CNTN4: variants seen among roughly 807,000 people sequenced by gnomAD.
The protein encoded by CNTN4 is contactin-4.
A neutral mutation model predicts 122.5 loss-of-function variants in CNTN4; 77 were observed. The ratio of observed to expected loss-of-function variants is 0.63; its 90% CI spans 0.52 to 0.76. The LOEUF (loss-of-function observed/expected upper bound fraction) is 0.76. CNTN4 is among the 30% of genes least tolerant of loss of function. The pLI is 0.00. For synonymous variants in CNTN4, 512 were observed against 447.0 expected (o/e 1.15, Z -1.83); for missense variants, 1,256 against 1,259.1 (o/e 1.00, Z 0.04).
chr3:2,510,629 CA>C (rs2076859557), intron 3 of CNTN4, among the ~76,000 whole-genome samples: 1 of 152,110 alleles, frequency 6.6e-6, no homozygotes, highest in Non-Finnish European at 1.5e-5. Context: ...TAACTAAGGT[CA>C]AATTTACATA....
intron 23 of CNTN4, among the ~76,000 whole-genome samples, chr3:3,051,013 A>C (rs1701213591): frequency 6.6e-6 from 1 of 152,166 alleles, no homozygotes; most frequent in South Asian, 2.1e-4. Flanking sequence ...ATGTGGCCCA[A>C]CACAAATTCA....
chr3:2,856,660 C>T (rs900674849), intron 7 of CNTN4, among the ~76,000 whole-genome samples: 3 of 152,244 alleles, frequency 2.0e-5, no homozygotes, highest in Admixed American at 1.3e-4. Context: ...CAAGCGACCC[C>T]TGCAGGAATA....
chr3:2,626,627 T>C (rs2082201828), intron 4 of CNTN4, among the ~76,000 whole-genome samples: 1 of 152,192 alleles, frequency 6.6e-6, no homozygotes, highest in Non-Finnish European at 1.5e-5. Flanking sequence ...AAGAATTGGA[T>C]TGGCTTGGAA....
At chr3:2,480,544 T>A (rs763305751) in intron 3 of CNTN4, among the ~76,000 whole-genome samples, 2 of 152,210 alleles carry the variant, frequency 1.3e-5, no homozygotes, top group African/African-American at 2.4e-5. Flanking sequence ...TGATATACTT[T>A]GATATAAATT....
intron 3 of CNTN4, among the ~76,000 whole-genome samples, chr3:2,462,580 ATT>A (rs1216762093): frequency 1.3e-5 from 2 of 152,300 alleles, no homozygotes; most frequent in Admixed American, 6.5e-5. Context: ...TATTTTGCAG[ATT>A]TTGTATGCCT....
chr3:2,502,997 A>G lies in CNTN4; in HGVS notation c.-88-68419A>G, dbSNP rs146828028. Among the ~76,000 whole-genome samples, 12 of 152,290 alleles carry G rather than the reference A, an allele frequency of 7.9e-5. No homozygotes were observed. The East Asian group carries it at 2.3e-3, about 29-fold the overall frequency. On this transcript the variant is annotated intron_variant, in intron 3 of 24. Coordinates refer to ENST00000418658, the MANE Select transcript of CNTN4 (RefSeq NM_175607.3). The stretch of plus-strand genomic sequence containing the variant: ...CAATAAAAATTCATTTATTACTGAA[A>G]CATTTTTGGAGATATATCATTAAGC...
chr3:2,622,249 C>A (rs1216516896), intron 4 of CNTN4, among the ~76,000 whole-genome samples: 1 of 152,102 alleles, frequency 6.6e-6, no homozygotes. Flanking sequence ...AGATGAAAGT[C>A]CAGCTGAAAA....
intron 4 of CNTN4, among the ~76,000 whole-genome samples, chr3:2,720,975 T>G (rs932630536): frequency 3.9e-5 from 6 of 152,030 alleles, no homozygotes; most frequent in African/African-American, 1.4e-4. Flanking sequence ...TCTTTTTTTG[T>G]TTGTTTGTTT....
intron 13 of CNTN4, among the ~76,000 whole-genome samples, chr3:2,982,583 A>C (rs1402505146): frequency 6.6e-6 from 1 of 152,138 alleles, no homozygotes; most frequent in Non-Finnish European, 1.5e-5. Context: ...ACAATTCTAG[A>C]TTCCCATCTT....
chr3:2,889,980 T>A (rs751513683), intron 10 of CNTN4, among the ~76,000 whole-genome samples: 1 of 152,214 alleles, frequency 6.6e-6, no homozygotes, highest in Non-Finnish European at 1.5e-5. Flanking sequence ...TAACAATGTT[T>A]CCTTTTTAAA....
chr3:2,475,267 A>G (rs2075805679), intron 3 of CNTN4, among the ~76,000 whole-genome samples: 2 of 152,238 alleles, frequency 1.3e-5, no homozygotes, highest in African/African-American at 4.8e-5. Flanking sequence ...TTCAAAGAAG[A>G]AAAGGATGCC....
At position 2,575,824 on chromosome 3, in the gene CNTN4, T is replaced by C. The variant is rs1268240979; in HGVS notation, c.55+4266T>C. 7.9e-3 allele frequency among the ~76,000 whole-genome samples: 1,131 copies of C among 142,294 alleles called. 19 individuals carry two copies. Among genetic ancestry groups the C allele is most frequent in the African/African-American group, 0.028 (1,063 of 38,016 alleles). The allele number at this position is 142,294 out of a possible 152,430, so 93.4% of individuals were successfully genotyped here. On this transcript the variant is annotated intron_variant, in intron 4 of 24. Transcript: ENST00000418658. ...TCTTCTTCTTCTTTTTTTTTTTTTT[T>C]TTTTTTTTTTTTTGTGAGAGAGAGT...
At chr3:2,688,900 G>A (rs921847262) in intron 4 of CNTN4, among the ~76,000 whole-genome samples, 2 of 152,094 alleles carry the variant, frequency 1.3e-5, no homozygotes, top group African/African-American at 4.8e-5. Context: ...TGACAATCTA[G>A]GAACCATTAA....
intron 4 of CNTN4, among the ~76,000 whole-genome samples, chr3:2,578,773 T>A (rs1559261818): frequency 6.6e-6 from 1 of 152,088 alleles, no homozygotes; most frequent in Non-Finnish European, 1.5e-5. Flanking sequence ...TGCTCTACGC[T>A]CTCTCATAAC....
chr3:3,052,167 A>G (rs934611855), intron 23 of CNTN4, among the ~76,000 whole-genome samples: 2 of 152,188 alleles, frequency 1.3e-5, no homozygotes, highest in Non-Finnish European at 2.9e-5. Context: ...CAACTACAGC[A>G]TGGATCCCAC....
intron 3 of CNTN4, among the ~76,000 whole-genome samples, chr3:2,381,499 C>G (rs958011149): frequency 1.3e-5 from 2 of 152,118 alleles, no homozygotes; most frequent in Non-Finnish European, 2.9e-5. Context: ...AACTTAAACT[C>G]TTTGAACTAT....
intron 6 of CNTN4, among the ~76,000 whole-genome samples, chr3:2,766,592 C>T (rs7623393): frequency 2.0e-5 from 3 of 151,918 alleles, no homozygotes; most frequent in Admixed American, 6.6e-5. Context: ...TGGGACGCGG[C>T]GGGGAAAGGT....
At chr3:2,142,694 TAAC>T in intron 2 of CNTN4, among the ~76,000 whole-genome samples, 1 of 152,262 alleles carries the variant, frequency 6.6e-6, no homozygotes, top group East Asian at 1.9e-4. Context: ...CATTACCAGT[TAAC>T]AAACTACTAC....
In CNTN4 at chr3:2,380,012, G is replaced by A. The variant is rs578179833; in HGVS notation, c.-89+40779G>A. Among the ~76,000 whole-genome samples, 8 of 141,422 alleles carry A rather than the reference G, an allele frequency of 5.7e-5. No individual in the cohort carries two copies. The East Asian group carries it at 6.4e-4, about 11-fold the overall frequency. The allele number at this position is 141,422 out of a possible 152,430, so 92.8% of individuals were successfully genotyped here. A position where few individuals can be genotyped will look rare whatever the true frequency, so the allele number is the denominator to read the frequency against. On this transcript the variant is annotated intron_variant, in intron 3 of 24. Transcript: ENST00000418658. ...ATGGAGGTTGCGGTGAGCTGAGATC[G>A]CACCATTGCATTCCAGCTTGGTCAA...
Sources: allele counts gnomAD v4.1 joint callset (sites outside exome capture counted in the v4.1 genomes callset), GRCh38; gene constraint gnomAD v4.1.1; transcripts MANE v1.5; gene names NCBI Gene and HGNC (gene_info 2026-07-23, HGNC 2026-07-21).